Variants in ODAD2 observed in about 807,000 individuals in gnomAD.
The protein encoded by ODAD2 is outer dynein arm-docking complex subunit 2.
A neutral mutation model predicts 106.8 loss-of-function variants in ODAD2; 89 were observed. The observed-to-expected ratio is 0.83, with a 90% CI of 0.70 to 0.99. ODAD2 has a LOEUF of 0.99. Among genes scored for constraint, ODAD2 ranks in the 50% least tolerant of loss-of-function variants. The pLI, the probability that ODAD2 is intolerant of heterozygous loss-of-function variation, is 0.00. For synonymous variants in ODAD2, 404 were observed against 436.2 expected, an observed-to-expected ratio of 0.93 and a Z score of 0.92; for missense variants, 1,168 against 1,238.5, an observed-to-expected ratio of 0.94 and a Z score of 0.85.
chr10:27,973,212 AATAC>A lies in ODAD2; in HGVS notation c.937-1903_937-1900del, dbSNP rs56390356. 6.5e-3 allele frequency among the ~76,000 whole-genome samples: 964 copies of A among 148,320 alleles called. 11 individuals are homozygous for A. The highest frequency in any genetic ancestry group is 0.035 in the East Asian group (174 of 4,984). On this transcript the variant is annotated intron_variant, in intron 7 of 19. Coordinates refer to ENST00000305242, the MANE Select transcript of ODAD2 (RefSeq NM_018076.5). ...CAGCATGAACTCTCATGGTCAAAAT[AATAC>A]ATACATACATACATACATACATACA...
intron 19 of ODAD2, among the ~76,000 whole-genome samples, chr10:27,859,453 C>G (rs1839890326): frequency 6.6e-6 from 1 of 151,996 alleles, no homozygotes; most frequent in Admixed American, 6.6e-5. Context: ...TCAAAAATTG[C>G]CAATTGGTAT....
chr10:27,874,118 C>G (rs1411837354), intron 17 of ODAD2, among the ~76,000 whole-genome samples: 1 of 152,190 alleles, frequency 6.6e-6, no homozygotes, highest in African/African-American at 2.4e-5. Context: ...TAATGGCCTT[C>G]TTTGTCTCTT....
chr10:27,947,143 A>G (rs1846992938), intron 10 of ODAD2, among the ~76,000 whole-genome samples: 1 of 151,994 alleles, frequency 6.6e-6, no homozygotes, highest in African/African-American at 2.4e-5. Context: ...CACCAATACC[A>G]CCAATTTTCG....
chr10:27,937,056 G>A (rs1846034117), intron 14 of ODAD2, among the ~76,000 whole-genome samples, 176 bp from the exon 15 acceptor site: 2 of 152,082 alleles, frequency 1.3e-5, no homozygotes, highest in Admixed American at 1.3e-4. Context: ...CTGACAGCAT[G>A]TCTCTCTCCT....
intron 9 of ODAD2, among the ~76,000 whole-genome samples, chr10:27,965,074 C>T (rs1294975386): frequency 1.3e-5 from 2 of 152,116 alleles, no homozygotes; most frequent in African/African-American, 2.4e-5. Flanking sequence ...AGATTTGGTA[C>T]TGGTTTTCCT....
At position 27,948,004 on chromosome 10, in the gene ODAD2, T is replaced by G. The variant is rs117980135; in HGVS notation, c.1387-3042A>C. 2.6e-4 allele frequency among the ~76,000 whole-genome samples: 40 copies of G among 152,366 alleles called. No homozygotes were observed. In the East Asian group the frequency reaches 6.7e-3, roughly 26 times the overall value. On this transcript the variant is annotated intron_variant, in intron 10 of 19. Coordinates refer to ENST00000305242, the MANE Select transcript of ODAD2 (RefSeq NM_018076.5). Reference sequence around the variant, plus strand: ...CTCTTCTAGACAACTTCCACATCTTTTGAGCTTTATTTCATTAATTTTACT... The same window carrying G: ...CTCTTCTAGACAACTTCCACATCTTGTGAGCTTTATTTCATTAATTTTACT...
chr10:27,831,363 G>A lies in ODAD2; in HGVS notation c.3022-18738C>T, dbSNP rs1312416694. On this transcript the variant is annotated intron_variant, in intron 19 of 19. Transcript: ENST00000305242. ...CACCGTTATAGACCCAGGAAAGGCAGAGGGGCTAGAGAACCTTCAAGAAGG... is the reference window on the plus strand; with the variant it reads ...CACCGTTATAGACCCAGGAAAGGCAAAGGGGCTAGAGAACCTTCAAGAAGG... Among the ~76,000 whole-genome samples, 3 of 152,170 alleles carry A rather than the reference G, an allele frequency of 2.0e-5. No homozygotes were observed. The East Asian group carries it at 5.8e-4, about 29-fold the overall frequency.
At chr10:27,823,750 A>G (rs1412998269) in intron 19 of ODAD2, among the ~76,000 whole-genome samples, 2 of 152,194 alleles carry the variant, frequency 1.3e-5, no homozygotes, top group Non-Finnish European at 2.9e-5. Context: ...ATCTAGTTAC[A>G]TTGAAAATTA....
chr10:27,899,031 T>A (rs1843020655), intron 17 of ODAD2, among the ~76,000 whole-genome samples: 1 of 152,154 alleles, frequency 6.6e-6, no homozygotes, highest in South Asian at 2.1e-4. Flanking sequence ...GATGGCCAAA[T>A]AGGAACAGCT....
intron 15 of ODAD2, among the ~76,000 whole-genome samples, chr10:27,935,823 T>C (rs569547518): frequency 1.4e-4 from 22 of 151,970 alleles, no homozygotes; most frequent in South Asian, 8.3e-4. Flanking sequence ...CATACATATA[T>C]ACACACACAT....
intron 11 of ODAD2, 41 bp from the exon 12 acceptor site, chr10:27,944,472 C>T (rs770787892): frequency 1.9e-5 from 30 of 1,548,618 alleles, no homozygotes; most frequent in East Asian, 1.4e-4. Context: ...ATATGTAACC[C>T]GTGCTATGTT....
At chr10:27,978,247 C>A (rs1448068885) in intron 7 of ODAD2, among the ~76,000 whole-genome samples, 1 of 152,064 alleles carries the variant, frequency 6.6e-6, no homozygotes, top group African/African-American at 2.4e-5. Flanking sequence ...CTGCACAAAC[C>A]ATACCACAAA....
intron 19 of ODAD2, among the ~76,000 whole-genome samples, chr10:27,844,138 T>G (rs1045881396): frequency 6.6e-6 from 1 of 152,154 alleles, no homozygotes; most frequent in Non-Finnish European, 1.5e-5. Context: ...GAGGCTTCAG[T>G]GAGCTATGAT....
At chr10:27,923,202 A>T (rs368075866) in intron 16 of ODAD2, among the ~76,000 whole-genome samples, 7 of 152,208 alleles carry the variant, frequency 4.6e-5, no homozygotes, top group Non-Finnish European at 7.3e-5. Context: ...ATTAAAACAA[A>T]AACTATGTTT....
intron 18 of ODAD2, 59 bp downstream of exon 18, chr10:27,862,375 C>A: frequency 2.2e-6 from 3 of 1,370,736 alleles, no homozygotes; most frequent in Non-Finnish European, 3.0e-6. Flanking sequence ...TTGTTTTCAT[C>A]ACTACACCAT....
intron 17 of ODAD2, among the ~76,000 whole-genome samples, chr10:27,903,983 C>CTA (rs1476992644): frequency 6.6e-6 from 1 of 152,130 alleles, no homozygotes; most frequent in Admixed American, 6.5e-5. Flanking sequence ...ATAATACAAT[C>CTA]TATGTTTTCT....
chr10:27,916,619 A>G (rs976655071), intron 16 of ODAD2, among the ~76,000 whole-genome samples: 3 of 152,154 alleles, frequency 2.0e-5, no homozygotes, highest in Admixed American at 2.0e-4. Flanking sequence ...GACCAAGATG[A>G]AGATCTTTAT....
intron 10 of ODAD2, among the ~76,000 whole-genome samples, chr10:27,959,510 A>G (rs1588613230): frequency 2.0e-5 from 3 of 152,006 alleles, no homozygotes; most frequent in African/African-American, 7.2e-5. Flanking sequence ...GGGCATGGTC[A>G]CCGTGCGTGC....
intron 8 of ODAD2, among the ~76,000 whole-genome samples, chr10:27,969,288 C>T (rs1020484494): frequency 1.1e-4 from 16 of 151,636 alleles, no homozygotes; most frequent in African/African-American, 9.8e-5. Flanking sequence ...ATCCTGCACC[C>T]GATGCCTTCT....
Sources: gnomAD v4.1 joint callset for allele counts (sites outside exome capture counted in the v4.1 genomes callset) on GRCh38, gnomAD v4.1.1 for gene constraint, MANE v1.5 for transcripts, NCBI Gene and HGNC (gene_info 2026-07-23, HGNC 2026-07-21) for gene names.